The following ASAP1 variants were observed in gnomAD, a reference collection of about 807,000 sequenced individuals.
ASAP1 encodes the protein ArfGAP with SH3 domain, ankyrin repeat and PH domain 1, also known as arf-GAP with SH3 domain, ANK repeat and PH domain-containing protein 1.
ASAP1 carries 43 observed loss-of-function variants against 145.2 expected under a neutral mutation model. The ratio of observed to expected loss-of-function variants is 0.30; its 90% CI spans 0.23 to 0.38. The LOEUF (loss-of-function observed/expected upper bound fraction) is 0.38, where lower values mean the gene tolerates loss of function less well. ASAP1 is among the 10% of genes least tolerant of loss of function. The pLI is 1.00. For missense variants in ASAP1, 1,018 were observed against 1,355.3 expected (o/e 0.75, Z 3.91); for synonymous variants, 546 against 515.5 (o/e 1.06, Z -0.80).
In ASAP1 at chr8:130,118,475, T is replaced by C. The variant is rs778961405; in HGVS notation, c.1794+14A>G. ...CACATTACTTTTTATCCAATGATTT[T>C]AGTGAGGCCTTACCTGCCCAGGTTC... On this transcript the variant is annotated intron_variant, in intron 19 of 29. Coordinates refer to ENST00000518721, the MANE Select transcript of ASAP1 (RefSeq NM_018482.4). 5 of 1,584,490 alleles carry C rather than the reference T, an allele frequency of 3.2e-6. No individual in the cohort carries two copies. Among genetic ancestry groups the C allele is most frequent in the Admixed American group, 1.8e-5 (1 of 54,518 alleles).
At chr8:130,314,608 C>T (rs1185818347) in intron 3 of ASAP1, among the ~76,000 whole-genome samples, 3 of 152,220 alleles carry the variant, frequency 2.0e-5, no homozygotes, top group Admixed American at 6.5e-5. Context: ...AGTACCAATG[C>T]CTGGGCAGGC....
chr8:130,297,440 G>T (rs1185522454), intron 3 of ASAP1, among the ~76,000 whole-genome samples: 1 of 152,196 alleles, frequency 6.6e-6, no homozygotes, highest in Non-Finnish European at 1.5e-5. Flanking sequence ...CTGTTCAAGG[G>T]TCAACTAAGT....
At chr8:130,329,990 A>T (rs1824577608) in intron 3 of ASAP1, among the ~76,000 whole-genome samples, 1 of 152,224 alleles carries the variant, frequency 6.6e-6, no homozygotes, top group Admixed American at 6.5e-5. Flanking sequence ...TTGATGTTAC[A>T]GCTAGTGTCA....
intron 13 of ASAP1, among the ~76,000 whole-genome samples, chr8:130,138,500 G>C (rs1012975832): frequency 6.6e-6 from 1 of 152,154 alleles, no homozygotes; most frequent in African/African-American, 2.4e-5. Flanking sequence ...ACCAAACCTA[G>C]AAGGGGAGGC....
chr8:130,252,431 C>G (rs1486732772), intron 3 of ASAP1, among the ~76,000 whole-genome samples: 1 of 152,118 alleles, frequency 6.6e-6, no homozygotes, highest in Non-Finnish European at 1.5e-5. Context: ...TTTTAATCCT[C>G]TTAACAGTGT....
chr8:130,302,076 AATAG>A (rs1822707717), intron 3 of ASAP1, among the ~76,000 whole-genome samples: 1 of 152,252 alleles, frequency 6.6e-6, no homozygotes, highest in Admixed American at 6.5e-5. Context: ...AAGACAGGTA[AATAG>A]ATAATCTGCC....
At chr8:130,136,860 C>A (rs1432980932) in intron 14 of ASAP1, 91 bp downstream of exon 14, 6 of 1,061,468 alleles carry the variant, frequency 5.7e-6, no homozygotes, top group Non-Finnish European at 7.4e-6. Context: ...CTGTGAGGAG[C>A]CCTGCTTGGA....
intron 1 of ASAP1, among the ~76,000 whole-genome samples, chr8:130,423,742 ATC>A (rs1829809655): frequency 6.6e-6 from 1 of 152,268 alleles, no homozygotes; most frequent in Admixed American, 6.5e-5. Context: ...AAAAGTGGTT[ATC>A]TCTCATTGGC....
rs1000332756 is a variant in ASAP1, at chr8:130,409,275, A to G, written c.-27-7305T>C. Among the ~76,000 whole-genome samples the G allele has an allele frequency of 3.3e-5, 5 of 151,842 alleles. 1 individual carries two copies. Among genetic ancestry groups the G allele is most frequent in the African/African-American group, 9.7e-5 (4 of 41,312 alleles). On this transcript the variant is annotated intron_variant, in intron 1 of 29. Transcript: ENST00000518721. Reference sequence around the variant, plus strand: ...AGACGGTGTCTCAAAAAAAAAAACAAAAAACCTCCTCTCCTGTGGTGATTC... The same window carrying G: ...AGACGGTGTCTCAAAAAAAAAAACAGAAAACCTCCTCTCCTGTGGTGATTC...
intron 27 of ASAP1, among the ~76,000 whole-genome samples, chr8:130,071,733 G>T (rs913489537): frequency 6.6e-6 from 1 of 152,158 alleles, no homozygotes; most frequent in African/African-American, 2.4e-5. Context: ...ACTCCTGCTT[G>T]TGGAACCTGA....
intron 2 of ASAP1, among the ~76,000 whole-genome samples, chr8:130,372,309 G>A (rs1005969080): frequency 6.6e-6 from 1 of 151,934 alleles, no homozygotes; most frequent in African/African-American, 2.4e-5. Context: ...CAGGAAGGAA[G>A]ATGATAAAGC....
intron 3 of ASAP1, among the ~76,000 whole-genome samples, chr8:130,296,236 T>C (rs1822264549): frequency 6.6e-6 from 1 of 152,204 alleles, no homozygotes; most frequent in Admixed American, 6.5e-5. Flanking sequence ...GGGGATGATG[T>C]TTCTTGCTAA....
chr8:130,246,425 A>G (rs1364470002), intron 3 of ASAP1, among the ~76,000 whole-genome samples: 1 of 152,128 alleles, frequency 6.6e-6, no homozygotes, highest in Non-Finnish European at 1.5e-5. Flanking sequence ...ATGTCAGGGA[A>G]GGGGCCTGGT....
At position 130,081,008 on chromosome 8, in the gene ASAP1, C is replaced by A. The variant is rs117804839; in HGVS notation, c.2573-1037G>T. Among the ~76,000 whole-genome samples the A allele has an allele frequency of 3.7e-3, 569 of 152,328 alleles. 4 individuals are homozygous for A. The highest frequency in any genetic ancestry group is 6.1e-3 in the Non-Finnish European group (414 of 68,034). The stretch of plus-strand genomic sequence containing the variant: ...GCAGAAGGCACAAAAACAAATAAAA[C>A]TTCACTGCTCTCACAGAGCTTATGC... On this transcript the variant is annotated intron_variant, in intron 25 of 29. Transcript: ENST00000518721.
chr8:130,056,688 T>A (rs539310850), intron 29 of ASAP1, among the ~76,000 whole-genome samples: 4 of 152,320 alleles, frequency 2.6e-5, no homozygotes, highest in African/African-American at 9.6e-5. Flanking sequence ...TGTGCACACA[T>A]GTATATACAT....
intron 24 of ASAP1, among the ~76,000 whole-genome samples, chr8:130,098,530 G>A (rs2097523050): frequency 6.6e-6 from 1 of 152,028 alleles, no homozygotes; most frequent in Non-Finnish European, 1.5e-5. Flanking sequence ...TTTTTTAGTA[G>A]AGACAAGGTT....
chr8:130,065,529 T>C (rs1408703667), intron 27 of ASAP1, among the ~76,000 whole-genome samples: 1 of 152,178 alleles, frequency 6.6e-6, no homozygotes, highest in Admixed American at 6.5e-5. Flanking sequence ...TTCTGTTTCC[T>C]GAGGCCTAAC....
At chr8:130,300,539 T>C (rs964200916) in intron 3 of ASAP1, among the ~76,000 whole-genome samples, 1 of 152,168 alleles carries the variant, frequency 6.6e-6, no homozygotes, top group African/African-American at 2.4e-5. Context: ...GTTTCTGATT[T>C]AATTGTCTAG....
chr8:130,105,443 T>C (rs2097535331), intron 24 of ASAP1, among the ~76,000 whole-genome samples: 1 of 152,244 alleles, frequency 6.6e-6, no homozygotes, highest in Admixed American at 6.5e-5. Flanking sequence ...AATTAACAGA[T>C]GCATTACTTC....
Sources: gnomAD v4.1 joint callset for allele counts (sites outside exome capture counted in the v4.1 genomes callset) on GRCh38, gnomAD v4.1.1 for gene constraint, MANE v1.5 for transcripts, NCBI Gene and HGNC (gene_info 2026-07-23, HGNC 2026-07-21) for gene names.